The following AGBL4 variants were observed in gnomAD, a reference collection of about 807,000 sequenced individuals.
AGBL4 encodes AGBL carboxypeptidase 4.
Under a neutral mutation model 66.4 loss-of-function variants are expected in AGBL4, and 58 were observed. That is an observed-to-expected ratio of 0.87 (90% CI 0.71 to 1.09). The LOEUF (loss-of-function observed/expected upper bound fraction) is 1.09. Among genes scored for constraint, AGBL4 ranks in the 50% least tolerant of loss-of-function variants. The pLI is 0.00. For synonymous variants in AGBL4, 234 were observed against 222.9 expected, an observed-to-expected ratio of 1.05 and a Z score of -0.44; for missense variants, 579 against 631.0, an observed-to-expected ratio of 0.92 and a Z score of 0.88.
chr1:49,004,101 C>T (rs952026913), intron 5 of AGBL4, among the ~76,000 whole-genome samples: 2 of 152,204 alleles, frequency 1.3e-5, no homozygotes, highest in Non-Finnish European at 2.9e-5. Flanking sequence ...AAGGGCTGGG[C>T]CTTCATTGAG....
intron 1 of AGBL4, among the ~76,000 whole-genome samples, chr1:49,915,252 C>A (rs1046920021): frequency 6.6e-6 from 1 of 152,052 alleles, no homozygotes; most frequent in Non-Finnish European, 1.5e-5. Flanking sequence ...ACAGTGGGTG[C>A]AGCCCACCGA....
At chr1:49,346,108 G>A (rs779074192) in intron 3 of AGBL4, among the ~76,000 whole-genome samples, 4 of 152,114 alleles carry the variant, frequency 2.6e-5, no homozygotes, top group Non-Finnish European at 5.9e-5. Context: ...AGTTTAATAA[G>A]ACCAAAACTT....
intron 9 of AGBL4, among the ~76,000 whole-genome samples, chr1:48,614,580 A>G (rs564357077): frequency 6.6e-6 from 1 of 152,340 alleles, no homozygotes; most frequent in East Asian, 1.9e-4. Context: ...TCGCTTTTCC[A>G]TTGAAAAGAT....
intron 4 of AGBL4, among the ~76,000 whole-genome samples, chr1:49,069,867 T>C (rs1188058139): frequency 6.6e-6 from 1 of 152,014 alleles, no homozygotes. Flanking sequence ...TACATAAGCA[T>C]GGAATGTTCT....
intron 2 of AGBL4, among the ~76,000 whole-genome samples, chr1:49,729,209 C>T (rs926455136): frequency 3.9e-5 from 6 of 152,232 alleles, no homozygotes; most frequent in Admixed American, 1.3e-4. Context: ...CAATATGCTG[C>T]CAGGTTTTGA....
chr1:49,802,134 G>C (rs1305945152), intron 2 of AGBL4, among the ~76,000 whole-genome samples: 1 of 152,166 alleles, frequency 6.6e-6, no homozygotes, highest in Non-Finnish European at 1.5e-5. Flanking sequence ...CCCCTGCAGA[G>C]AGCCTATGAA....
intron 6 of AGBL4, among the ~76,000 whole-genome samples, chr1:48,863,570 T>C (rs1175842004): frequency 6.6e-6 from 1 of 152,062 alleles, no homozygotes; most frequent in Non-Finnish European, 1.5e-5. Context: ...AAAATTAGAA[T>C]TTATTATAAA....
At chr1:49,547,865 C>A (rs533895759) in intron 3 of AGBL4, among the ~76,000 whole-genome samples, 3 of 152,066 alleles carry the variant, frequency 2.0e-5, no homozygotes, top group African/African-American at 7.2e-5. Context: ...CTTCTGCCTC[C>A]CGGGTTCAAG....
intron 3 of AGBL4, among the ~76,000 whole-genome samples, chr1:49,508,903 T>G (rs942914822): frequency 6.6e-6 from 1 of 151,828 alleles, no homozygotes; most frequent in Non-Finnish European, 1.5e-5. Flanking sequence ...AATTACCATA[T>G]GCCCAAACTC....
chr1:48,562,561 T>TACTTA, intron 11 of AGBL4, among the ~76,000 whole-genome samples: 1 of 152,250 alleles, frequency 6.6e-6, no homozygotes, highest in Non-Finnish European at 1.5e-5. Flanking sequence ...AGCTTTAATT[T>TACTTA]GTTTTATAAT....
intron 3 of AGBL4, among the ~76,000 whole-genome samples, chr1:49,350,259 A>G (rs538572872): frequency 2.8e-5 from 4 of 144,058 alleles, no homozygotes; most frequent in African/African-American, 7.8e-5. Flanking sequence ...GCTGGAGTGC[A>G]GTGGCGGGAT....
At chr1:49,167,175 A>T (rs1325319049) in intron 4 of AGBL4, among the ~76,000 whole-genome samples, 3 of 152,204 alleles carry the variant, frequency 2.0e-5, no homozygotes, top group African/African-American at 7.2e-5. Context: ...TCTTAACAAG[A>T]TAATCAATAC....
At chr1:49,133,215 A>G (rs1645936508) in intron 4 of AGBL4, among the ~76,000 whole-genome samples, 1 of 152,130 alleles carries the variant, frequency 6.6e-6, no homozygotes, top group Non-Finnish European at 1.5e-5. Context: ...AGAGAGGGGA[A>G]CACCACACAC....
chr1:49,653,868 C>T (rs750980642), intron 3 of AGBL4, among the ~76,000 whole-genome samples: 2 of 150,844 alleles, frequency 1.3e-5, no homozygotes, highest in Non-Finnish European at 2.9e-5. Context: ...TGAAAGAGAC[C>T]GGGAGAATGG....
intron 6 of AGBL4, chr1:48,727,739 A>G (rs1019250320): frequency 1.5e-5 from 10 of 657,726 alleles, no homozygotes; most frequent in Non-Finnish European, 4.9e-6. Flanking sequence ...GAGTGTCCAC[A>G]TTCAGAACAA....
chr1:49,525,503 T>C (rs1225451164), intron 3 of AGBL4, among the ~76,000 whole-genome samples: 1 of 152,150 alleles, frequency 6.6e-6, no homozygotes, highest in Non-Finnish European at 1.5e-5. Flanking sequence ...TCTTTTTATG[T>C]AATGTCTTCC....
At chr1:49,101,479 G>C (rs1161864359) in intron 4 of AGBL4, among the ~76,000 whole-genome samples, 1 of 152,164 alleles carries the variant, frequency 6.6e-6, no homozygotes, top group African/African-American at 2.4e-5. Flanking sequence ...GAGCTACCAT[G>C]CCTGGCCTAA....
chr1:49,950,637 T>A (rs970392069), intron 1 of AGBL4, among the ~76,000 whole-genome samples: 1 of 151,724 alleles, frequency 6.6e-6, no homozygotes, highest in African/African-American at 2.4e-5. Flanking sequence ...AATAAACACA[T>A]AATGAAAGTT....
Position 49,830,452 on chromosome 1 carries a change from C to T in AGBL4, c.157+20944G>A, listed in dbSNP as rs557745090. The stretch of plus-strand genomic sequence containing the variant: ...TCTCTTCATATCCTTCACTCACTTG[C>T]TCATGGGGTTGTTTTTTCTTATAAA... On this transcript the variant is annotated intron_variant, in intron 2 of 13. Transcript: ENST00000371839. Among the ~76,000 whole-genome samples, 18 of 152,126 alleles carry T rather than the reference C, an allele frequency of 1.2e-4. No homozygotes were observed. The South Asian group carries it at 1.9e-3, about 16-fold the overall frequency.
Sources: gnomAD v4.1 joint callset for allele counts (sites outside exome capture counted in the v4.1 genomes callset) on GRCh38, gnomAD v4.1.1 for gene constraint, MANE v1.5 for transcripts, NCBI Gene and HGNC (gene_info 2026-07-23, HGNC 2026-07-21) for gene names.